Variants in LMAN2 observed in about 807,000 individuals in gnomAD.
LMAN2 encodes the protein vesicular integral-membrane protein VIP36.
LMAN2 carries 22 observed loss-of-function variants against 39.3 expected under a neutral mutation model. That is an observed-to-expected ratio of 0.56 (90% confidence interval 0.40 to 0.80). LMAN2 has a LOEUF of 0.80. Among genes scored for constraint, LMAN2 ranks in the 30% least tolerant of loss-of-function variants. The pLI is 0.00. For synonymous variants in LMAN2, 207 were observed against 207.8 expected, an observed-to-expected ratio of 1.00 and a Z score of 0.03; for missense variants, 494 against 505.4, an observed-to-expected ratio of 0.98 and a Z score of 0.22.
At chr5:177,339,953 C>T (rs1318183306) in intron 2 of LMAN2, among the ~76,000 whole-genome samples, 4 of 151,930 alleles carry the variant, frequency 2.6e-5, no homozygotes, top group Non-Finnish European at 5.9e-5. Flanking sequence ...GCCGAGTCCC[C>T]GAGAGCACAA....
intron 2 of LMAN2, among the ~76,000 whole-genome samples, chr5:177,344,336 G>A (rs1761604070): frequency 7.4e-6 from 1 of 134,796 alleles, no homozygotes; most frequent in African/African-American, 2.9e-5. Context: ...CCAGGGTGGA[G>A]TGCAGTGGCG....
At chr5:177,334,655 T>G in intron 6 of LMAN2, 2 of 413,128 alleles carry the variant, frequency 4.8e-6, no homozygotes, top group South Asian at 5.2e-5. Flanking sequence ...GTCTAAATCC[T>G]GGGGTCTGCC....
chr5:177,338,443 C>T (rs772886271), intron 3 of LMAN2, 45 bp downstream of exon 3: 1 of 1,527,246 alleles, frequency 6.5e-7, no homozygotes. Context: ...GCAGCCATGC[C>T]CGTGCCCACC....
chr5:177,351,594 T>C lies in LMAN2; in HGVS notation c.54A>G (p.Gly18=), dbSNP rs1264940891. ...GGCCGGGGCCGAGAAGCCCAGGCCTTCCCAGGCACCGCCGGCCCCAGCCCC... is the reference window on the plus strand; with the variant it reads ...GGCCGGGGCCGAGAAGCCCAGGCCTCCCCAGGCACCGCCGGCCCCAGCCCC... ...WRWGWGRRCL[G]RPGLLGPGPG... is the part of the protein sequence containing the mutation. The change falls in exon 1 of 8, where the codon GGA becomes GGG. Residue 18 remains glycine (G), a synonymous_variant. Transcript: ENST00000303127. 1.9e-6 allele frequency: 3 copies of C among 1,611,452 alleles called. No individual in the cohort carries two copies. In the East Asian group the frequency reaches 6.7e-5, roughly 36 times the overall value.
chr5:177,343,466 T>C (rs1185115384), intron 2 of LMAN2, among the ~76,000 whole-genome samples: 1 of 92,562 alleles, frequency 1.1e-5, no homozygotes, highest in Non-Finnish European at 2.1e-5. Context: ...AACAGATACT[T>C]GTATACCAAT....
intron 2 of LMAN2, among the ~76,000 whole-genome samples, chr5:177,342,777 G>T (rs565980126): frequency 3.4e-5 from 5 of 147,858 alleles, no homozygotes; most frequent in Non-Finnish European, 7.5e-5. Context: ...ATTTAGTAAA[G>T]ATTTCTTGGA....
chr5:177,341,170 G>A (rs1230494759), intron 2 of LMAN2, among the ~76,000 whole-genome samples: 2 of 148,342 alleles, frequency 1.3e-5, no homozygotes, highest in African/African-American at 2.5e-5. Context: ...GGGTTCAAGC[G>A]ATTCTCCTGC....
Position 177,337,841 on chromosome 5 carries a change from T to G in LMAN2, c.434-56A>C. 6.6e-7 allele frequency: 1 copy of G among 1,516,706 alleles called. No homozygotes were observed. Among genetic ancestry groups the G allele is most frequent in the Non-Finnish European group, 9.1e-7 (1 of 1,100,520 alleles). The allele number at this position is 1,516,706 out of a possible 1,614,324, so 94.0% of individuals were successfully genotyped here. A position where few individuals can be genotyped will look rare whatever the true frequency, so the allele number is the denominator to read the frequency against. On this transcript the variant is annotated intron_variant, in intron 3 of 7. Transcript: ENST00000303127. The surrounding 1 kb of genome is among the most constrained non-coding windows in gnomAD (Gnocchi z 8.2). ...GGAGAAACAGGAGCCGTCCCATGGG[T>G]ACCTAAAAGGCAAGCAATGCCAACA... is the stretch of plus-strand genomic sequence containing the variant.
chr5:177,335,854 G>A (rs974038967), intron 6 of LMAN2, among the ~76,000 whole-genome samples: 2 of 152,158 alleles, frequency 1.3e-5, no homozygotes, highest in East Asian at 1.9e-4. Flanking sequence ...CCCGTGTCAC[G>A]TGCCAGTTCT....
Position 177,337,557 on chromosome 5 carries a change from G to A in LMAN2, c.514-33C>T. On this transcript the variant is annotated intron_variant, in intron 4 of 7. Transcript: ENST00000303127. The surrounding 1 kb of genome is among the most constrained non-coding windows in gnomAD (Gnocchi z 8.2). Reference sequence around the variant, plus strand: ...CAAGACATCGGTTACTCCACAAGCAGCCCAGCCTGTGGGGCGAGCAGGGGC... The same window carrying A: ...CAAGACATCGGTTACTCCACAAGCAACCCAGCCTGTGGGGCGAGCAGGGGC... The A allele has an allele frequency of 3.7e-6, 6 of 1,610,632 alleles. No individual in the cohort carries two copies. Among genetic ancestry groups the A allele is most frequent in the Non-Finnish European group, 5.1e-6 (6 of 1,177,298 alleles).
chr5:177,342,111 G>C (rs1451960060), intron 2 of LMAN2, among the ~76,000 whole-genome samples: 1 of 152,066 alleles, frequency 6.6e-6, no homozygotes, highest in East Asian at 1.9e-4. Context: ...TGGACTAAAT[G>C]CTAAATAAAA....
intron 2 of LMAN2, among the ~76,000 whole-genome samples, chr5:177,338,915 C>T (rs1283918308): frequency 6.6e-6 from 1 of 152,244 alleles, no homozygotes; most frequent in East Asian, 1.9e-4. Context: ...CACTGTTCAC[C>T]CTCATTACCA....
rs1761723186 is a variant in LMAN2, at chr5:177,351,508, G to T, written c.140C>A (p.Thr47Asn). The change falls in exon 1 of 8, where the codon ACT becomes AAT. Residue 47 changes from threonine to asparagine, a missense_variant. Physicochemically the swap from Thr to Asn is moderately conservative, Grantham distance 65 (BLOSUM62 0). Transcript: ENST00000303127. ...CTTGAGATGTTCACTGTTGCCGTCA[G>T]TTATATCCGCAGTCACAGACCCCAA... Reference protein sequence around the residue: ...LLLGSVTADITDGNSEHLKRE... With the variant: ...LLLGSVTADINDGNSEHLKRE... The T allele has an allele frequency of 5.0e-6, 8 of 1,614,268 alleles. No homozygotes were observed. The highest frequency in any genetic ancestry group is 6.8e-6 in the Non-Finnish European group (8 of 1,180,046).
intron 2 of LMAN2, among the ~76,000 whole-genome samples, chr5:177,349,214 C>G (rs988046520): frequency 5.3e-5 from 8 of 152,140 alleles, no homozygotes; most frequent in African/African-American, 1.2e-4. Flanking sequence ...TCTAGACCAC[C>G]CCCCCTGCAC....
In LMAN2 at chr5:177,351,586, C is replaced by T; in HGVS notation, c.62G>A (p.Gly21Glu). The T allele has an allele frequency of 1.2e-6, 2 of 1,611,590 alleles. No homozygotes were observed. Among genetic ancestry groups the T allele is most frequent in the South Asian group, 2.2e-5 (2 of 90,902 alleles). Residue 21 changes from glycine to glutamate, a missense_variant, in exon 1 of 8, where the codon GGG becomes GAG. By Grantham distance (98) the Gly-to-Glu change is moderately conservative. Coordinates refer to ENST00000303127, the MANE Select transcript of LMAN2 (RefSeq NM_006816.3). ...GWGRRCLGRP[G>E]LLGPGPGPTT... ...GGGGCCAGGGCCGGGGCCGAGAAGC[C>T]CAGGCCTTCCCAGGCACCGCCGGCC...
chr5:177,332,178 G>A lies in LMAN2; in HGVS notation c.979C>T (p.Leu327=), dbSNP rs759558194. The change falls in exon 8 of 8, where the codon CTG becomes TTG. Residue 327 remains leucine (L), a synonymous_variant. Coordinates refer to ENST00000303127, the MANE Select transcript of LMAN2 (RefSeq NM_006816.3). This position sits in a 1 kb window ranked among gnomAD's most constrained non-coding sequence, Gnocchi z 6.3. ...PLTGWRVFLL[L]LCALLGIVVC... ...ACGATGCCCAGGAGAGCGCACAGCA[G>A]CAGCAGGAACACCCGCCACCCCGTC... 1 of 1,613,626 alleles carries A rather than the reference G, an allele frequency of 6.2e-7. No individual in the cohort carries two copies. Among genetic ancestry groups the A allele is most frequent in the Admixed American group, 1.7e-5 (1 of 60,018 alleles).
Position 177,349,101 on chromosome 5 carries a change from G to T in LMAN2, c.315+2072C>A, listed in dbSNP as rs988828784. Among the ~76,000 whole-genome samples the T allele has an allele frequency of 6.6e-5, 10 of 152,154 alleles. No individual in the cohort carries two copies. The South Asian group carries it at 2.1e-3, about 32-fold the overall frequency. ...CTTAAAGACCACTGCCGCAGCCTCC[G>T]CACAAGACCCCCAAAAGGACAGGGC... is the stretch of plus-strand genomic sequence containing the variant. On this transcript the variant is annotated intron_variant, in intron 2 of 7. Transcript: ENST00000303127.
chr5:177,341,460 C>G (rs574722608), intron 2 of LMAN2, among the ~76,000 whole-genome samples: 1 of 152,286 alleles, frequency 6.6e-6, no homozygotes, highest in South Asian at 2.1e-4. Context: ...CCCGGCTTCA[C>G]GGCGGGAACA....
At chr5:177,346,398 G>T in intron 2 of LMAN2, 1 of 736,914 alleles carries the variant, frequency 1.4e-6, no homozygotes, top group Non-Finnish European at 1.9e-6. Flanking sequence ...CAGGAGTTGA[G>T]GTGGAAGTCA....
Sources: gnomAD v4.1 joint callset for allele counts (sites outside exome capture counted in the v4.1 genomes callset) on GRCh38, gnomAD v4.1.1 for gene constraint, Gnocchi (gnomAD v3.1) non-coding constraint, MANE v1.5 for transcripts, NCBI Gene and HGNC (gene_info 2026-07-23, HGNC 2026-07-21) for gene names.